Variants in LRRC49 observed in about 807,000 individuals in gnomAD.
LRRC49 encodes the protein leucine-rich repeat-containing protein 49.
A neutral mutation model predicts 83.3 loss-of-function variants in LRRC49; 50 were observed. The ratio of observed to expected loss-of-function variants is 0.60; its 90% CI spans 0.48 to 0.76. The LOEUF is 0.76. Among genes scored for constraint, LRRC49 ranks in the 30% least tolerant of loss-of-function variants. The pLI, the probability that LRRC49 is intolerant of heterozygous loss-of-function variation, is 0.00. For synonymous variants in LRRC49, 286 were observed against 283.3 expected (o/e 1.01, Z -0.10); for missense variants, 704 against 809.1 (o/e 0.87, Z 1.58).
intron 14 of LRRC49, among the ~76,000 whole-genome samples, chr15:71,028,595 A>G (rs1382890279): frequency 6.6e-6 from 1 of 151,998 alleles, no homozygotes; most frequent in African/African-American, 2.4e-5. Context: ...TGGTTGGCAC[A>G]CTATTAATTA....
In LRRC49 at chr15:70,919,111, A is replaced by G; in HGVS notation, c.629A>G (p.Asn210Ser). 6.2e-7 allele frequency: 1 copy of G among 1,612,192 alleles called. No individual in the cohort carries two copies. Among genetic ancestry groups the G allele is most frequent in the Non-Finnish European group, 8.5e-7 (1 of 1,178,574 alleles). Reference protein sequence around the residue: ...CELRVLNLARNFLSHVDNLNG... With the variant: ...CELRVLNLARSFLSHVDNLNG... The stretch of plus-strand genomic sequence containing the variant: ...TTGAGAGTTTTAAATCTTGCCAGGA[A>G]CTTTTTAAGTCATGTTGATAATCTT... Residue 210 changes from asparagine (N) to serine (S), a missense_variant, in exon 7 of 16, where the codon AAC (asparagine) becomes AGC (serine). This residue lies in a region of LRRC49 where 261 missense variants were observed against 330.5 expected (regional missense o/e 0.79). Transcript: ENST00000260382.
At chr15:70,875,528 A>G (rs2033135826) in intron 2 of LRRC49, among the ~76,000 whole-genome samples, 1 of 152,236 alleles carries the variant, frequency 6.6e-6, no homozygotes, top group South Asian at 2.1e-4. Context: ...TAACCTGCCT[A>G]GTAATTGGCA....
chr15:70,907,875 A>G (rs1273427081), intron 5 of LRRC49: 5 of 430,534 alleles, frequency 1.2e-5, no homozygotes, highest in African/African-American at 8.1e-5. Context: ...AAAATGGTCA[A>G]ATTTGGGGGC....
exon 1 of LRRC49, chr15:70,853,463 G>T (rs1380021840): frequency 6.4e-6 from 1 of 155,586 alleles, no homozygotes. Context: ...GATGATGGCA[G>T]TGAAGGGTAA....
intron 5 of LRRC49, among the ~76,000 whole-genome samples, chr15:70,905,527 C>T (rs1026930593): frequency 1.3e-5 from 2 of 152,006 alleles, no homozygotes; most frequent in Admixed American, 6.6e-5. Context: ...GGTTCATGGC[C>T]GACACTCTAT....
At chr15:71,033,972 C>G (rs768139135) in intron 14 of LRRC49, among the ~76,000 whole-genome samples, 2 of 151,972 alleles carry the variant, frequency 1.3e-5, no homozygotes, top group Non-Finnish European at 2.9e-5. Flanking sequence ...GGCATAGGCA[C>G]AAGCAAAGAT....
At chr15:70,936,123 T>G (rs2035588922) in intron 7 of LRRC49, among the ~76,000 whole-genome samples, 1 of 152,178 alleles carries the variant, frequency 6.6e-6, no homozygotes, top group African/African-American at 2.4e-5. Flanking sequence ...GGTATGTTTT[T>G]GGGGTGGTGT....
intron 2 of LRRC49, among the ~76,000 whole-genome samples, chr15:70,878,784 C>T (rs745954716): frequency 1.3e-5 from 2 of 152,138 alleles, no homozygotes; most frequent in Non-Finnish European, 2.9e-5. Flanking sequence ...AAACCAGCCT[C>T]GTGTGGCTGA....
In LRRC49 at chr15:71,012,996, C is replaced by G. The variant is rs573547256; in HGVS notation, c.1703+83C>G. On this transcript the variant is annotated intron_variant, in intron 14 of 15. Coordinates refer to ENST00000260382, the MANE Select transcript of LRRC49 (RefSeq NM_017691.5). ...AAATTCCACATACCTCCTAACTATG[C>G]TAATTATGTGTTCCATAAACATGTA... 1.6e-5 allele frequency: 13 copies of G among 828,262 alleles called. No homozygotes were observed. The African/African-American group carries it at 1.9e-4, about 12-fold the overall frequency. The allele number at this position is 828,262 out of a possible 1,614,324, so 51.3% of individuals were successfully genotyped here. A position where few individuals can be genotyped will look rare whatever the true frequency, so the allele number is the denominator to read the frequency against.
chr15:70,966,388 C>A (rs530801544), intron 9 of LRRC49, among the ~76,000 whole-genome samples: 1 of 151,982 alleles, frequency 6.6e-6, no homozygotes, highest in South Asian at 2.1e-4. Context: ...TTCAACATGA[C>A]CTCACACTAT....
chr15:71,048,834 G>T (rs752070479), intron 15 of LRRC49: 4 of 455,858 alleles, frequency 8.8e-6, no homozygotes, highest in Middle Eastern at 6.5e-4. Context: ...AGAAGGCAAC[G>T]TCCTGGGTCC....
At chr15:71,013,910 G>T (rs1426546870) in intron 14 of LRRC49, among the ~76,000 whole-genome samples, 2 of 152,102 alleles carry the variant, frequency 1.3e-5, no homozygotes, top group African/African-American at 4.8e-5. Context: ...TGAGCACCAG[G>T]ATCATACCGC....
intron 1 of LRRC49, among the ~76,000 whole-genome samples, chr15:70,868,220 A>G (rs576950402): frequency 1.1e-4 from 16 of 152,314 alleles, no homozygotes; most frequent in African/African-American, 3.8e-4. Flanking sequence ...GGGTAACCTT[A>G]GCTAAAACTT....
At chr15:71,035,152 A>T (rs1447898347) in intron 14 of LRRC49, among the ~76,000 whole-genome samples, 1 of 152,124 alleles carries the variant, frequency 6.6e-6, no homozygotes, top group Non-Finnish European at 1.5e-5. Flanking sequence ...GTAAATTGTG[A>T]TATATATCAC....
intron 8 of LRRC49, among the ~76,000 whole-genome samples, chr15:70,957,363 ATT>A (rs1187070599): frequency 6.6e-6 from 1 of 152,182 alleles, no homozygotes; most frequent in Non-Finnish European, 1.5e-5. Flanking sequence ...TGTACATATT[ATT>A]TTCACTTTTA....
chr15:71,030,719 TC>T (rs1453313504), intron 14 of LRRC49, among the ~76,000 whole-genome samples: 5 of 152,118 alleles, frequency 3.3e-5, no homozygotes, highest in African/African-American at 1.2e-4. Context: ...TCATTCCTTT[TC>T]ATTCTTTTTT....
intron 11 of LRRC49, among the ~76,000 whole-genome samples, chr15:70,995,672 T>C (rs990219911): frequency 2.6e-5 from 4 of 152,214 alleles, no homozygotes; most frequent in Non-Finnish European, 5.9e-5. Context: ...CTACCTCTGA[T>C]CAGTGGATTG....
chr15:70,986,908 T>G (rs1286114531), intron 11 of LRRC49, among the ~76,000 whole-genome samples: 1 of 152,194 alleles, frequency 6.6e-6, no homozygotes, highest in Non-Finnish European at 1.5e-5. Context: ...GGTTTTTGTC[T>G]TTGGTTCTGT....
chr15:70,910,357 A>G (rs2034500137), intron 5 of LRRC49, among the ~76,000 whole-genome samples: 1 of 152,148 alleles, frequency 6.6e-6, no homozygotes, highest in Non-Finnish European at 1.5e-5. Context: ...GTATGTATGT[A>G]TATACATACA....
Sources: allele counts gnomAD v4.1 joint callset (sites outside exome capture counted in the v4.1 genomes callset), GRCh38; gene constraint gnomAD v4.1.1; regional missense constraint gnomAD v4.1.1; transcripts MANE v1.5; gene names NCBI Gene and HGNC (gene_info 2026-07-23, HGNC 2026-07-21).